The following SGK3 variants were observed in gnomAD, a reference collection of about 807,000 sequenced individuals.
SGK3 encodes serum/glucocorticoid regulated kinase family member 3.
In SGK3, 47 loss-of-function variants were observed where a neutral mutation model predicts 68.5. The ratio of observed to expected loss-of-function variants is 0.69; its 90% CI spans 0.54 to 0.87. The LOEUF (loss-of-function observed/expected upper bound fraction) is 0.87, where lower values mean the gene tolerates loss of function less well. Ranked by LOEUF, SGK3 falls within the 40% of genes least tolerant of loss-of-function variation. The probability of loss-of-function intolerance (pLI) is 0.00; values close to 1 mark genes in which losing one functional copy is unlikely to be tolerated. For synonymous variants in SGK3, 181 were observed against 189.1 expected (o/e 0.96, Z 0.35); for missense variants, 479 against 575.5 (o/e 0.83, Z 1.72).
chr8:66,786,925 CTTTTTTTTTTTTT>C (rs71249407), intron 1 of SGK3, among the ~76,000 whole-genome samples: 3 of 48,704 alleles, frequency 6.2e-5, no homozygotes, highest in South Asian at 1.1e-3. Context: ...TTTTCTCTGT[CTTTTTTTTTTTTT>C]TTTTTTTTTT....
intron 1 of SGK3, among the ~76,000 whole-genome samples, chr8:66,766,509 C>G (rs750598812): frequency 6.6e-6 from 1 of 152,042 alleles, no homozygotes; most frequent in South Asian, 2.1e-4. Flanking sequence ...GGCGACAGAG[C>G]AAGACTGTCT....
intron 6 of SGK3, among the ~76,000 whole-genome samples, chr8:66,823,837 A>G: frequency 6.6e-6 from 1 of 152,250 alleles, no homozygotes; most frequent in East Asian, 1.9e-4. Flanking sequence ...ATTATTATGT[A>G]GCAATTAAAT....
chr8:66,765,914 A>G (rs1339904704), intron 1 of SGK3, among the ~76,000 whole-genome samples: 3 of 151,626 alleles, frequency 2.0e-5, no homozygotes, highest in African/African-American at 7.3e-5. Flanking sequence ...AATCCCAGCT[A>G]CTCAGGAGGC....
chr8:66,818,171 A>T (rs1808670409), intron 5 of SGK3, among the ~76,000 whole-genome samples: 1 of 152,170 alleles, frequency 6.6e-6, no homozygotes, highest in African/African-American at 2.4e-5. Context: ...CCAAATCATA[A>T]GTAAGTAAAA....
intron 1 of SGK3, among the ~76,000 whole-genome samples, chr8:66,764,571 G>A (rs1327194928): frequency 6.6e-6 from 1 of 152,010 alleles, no homozygotes; most frequent in Non-Finnish European, 1.5e-5. Context: ...CCTGGGTTCA[G>A]GTGATCCTCC....
At chr8:66,828,567 G>T (rs1809161730) in intron 6 of SGK3, 87 bp from the exon 7 acceptor site, 1 of 1,577,426 alleles carries the variant, frequency 6.3e-7, no homozygotes, top group Non-Finnish European at 8.7e-7. Context: ...AATATTTGTG[G>T]TACAGTTATA....
chr8:66,853,215 C>T (rs1810363240), intron 16 of SGK3, among the ~76,000 whole-genome samples: 1 of 152,010 alleles, frequency 6.6e-6, no homozygotes, highest in Non-Finnish European at 1.5e-5. Context: ...ACAAGTAGAA[C>T]ATGGGCTCTG....
chr8:66,749,932 GGT>G (rs139702561), intron 1 of SGK3, among the ~76,000 whole-genome samples: 7,807 of 144,382 alleles, frequency 0.054, 260 homozygotes, highest in African/African-American at 0.097. Flanking sequence ...TAGTTTCTAG[GGT>G]GTGTGTGTGT....
At chr8:66,760,185 A>T (rs1479301159) in intron 1 of SGK3, among the ~76,000 whole-genome samples, 1 of 152,138 alleles carries the variant, frequency 6.6e-6, no homozygotes, top group African/African-American at 2.4e-5. Context: ...TTCTCAGTGG[A>T]GGAGAGCAGA....
intron 8 of SGK3, among the ~76,000 whole-genome samples, chr8:66,834,997 C>T (rs1408466374): frequency 6.6e-6 from 1 of 151,506 alleles, no homozygotes; most frequent in African/African-American, 2.4e-5. Flanking sequence ...AGGCTGGGTG[C>T]GGTGGCTTAC....
At chr8:66,850,509 A>C (rs998726022) in intron 15 of SGK3, among the ~76,000 whole-genome samples, 3 of 152,232 alleles carry the variant, frequency 2.0e-5, no homozygotes, top group Non-Finnish European at 4.4e-5. Flanking sequence ...ATAGCACTTT[A>C]CATCCATACT....
intron 1 of SGK3, among the ~76,000 whole-genome samples, chr8:66,779,559 TG>T (rs1806867686): frequency 1.1e-5 from 1 of 90,464 alleles, no homozygotes; most frequent in Non-Finnish European, 2.2e-5. Context: ...TGTATGTGTG[TG>T]AATATATATA....
At chr8:66,853,535 A>G (rs1585817962) in intron 16 of SGK3, among the ~76,000 whole-genome samples, 1 of 152,322 alleles carries the variant, frequency 6.6e-6, no homozygotes, top group African/African-American at 2.4e-5. Flanking sequence ...GCTAAGCTTC[A>G]GTATTTCTAT....
At chr8:66,816,342 T>C (rs1563642685) in intron 5 of SGK3, among the ~76,000 whole-genome samples, 1 of 145,798 alleles carries the variant, frequency 6.9e-6, no homozygotes, top group Non-Finnish European at 1.5e-5. Context: ...ATTTCCTTTT[T>C]TTTTTTTTTT....
Position 66,796,321 on chromosome 8 carries a change from ATTTTTTTT to A in SGK3, c.97-2197_97-2190del, listed in dbSNP as rs71249408. ...CCAGCTAATTTTTTGTATTTTTTGT[ATTTTTTTT>A]TTTTTTTTTTTTTTTTTTTTTTTAG... is the stretch of plus-strand genomic sequence containing the variant. On this transcript the variant is annotated intron_variant, in intron 2 of 16. Transcript: ENST00000521198. 9.4e-4 allele frequency among the ~76,000 whole-genome samples: 39 copies of A among 41,362 alleles called. 1 individual carries two copies. Among genetic ancestry groups the A allele is most frequent in the African/African-American group, 2.9e-3 (36 of 12,506 alleles). The allele number at this position is 41,362 out of a possible 152,430, so 27.1% of individuals were successfully genotyped here. A position where few individuals can be genotyped will look rare whatever the true frequency, so the allele number is the denominator to read the frequency against.
At chr8:66,761,171 T>C (rs1806153901) in intron 1 of SGK3, among the ~76,000 whole-genome samples, 1 of 152,164 alleles carries the variant, frequency 6.6e-6, no homozygotes, top group South Asian at 2.1e-4. Context: ...AGTAGTACCA[T>C]CATAGCTCAC....
chr8:66,797,896 A>T (rs1386975005), intron 2 of SGK3, among the ~76,000 whole-genome samples: 1 of 152,254 alleles, frequency 6.6e-6, no homozygotes, highest in African/African-American at 2.4e-5. Flanking sequence ...TAATGAGCAC[A>T]TGAGTGTTGA....
chr8:66,831,935 G>T (rs930639245), intron 8 of SGK3, among the ~76,000 whole-genome samples: 1 of 151,902 alleles, frequency 6.6e-6, no homozygotes, highest in Non-Finnish European at 1.5e-5. Flanking sequence ...CAATCTCGGT[G>T]GGGGGATAGT....
rs552807925 is a variant in SGK3, at chr8:66,783,879, T to C, written c.-121-9737T>C. ...CTAGGAATTTTATAGTTTTGTTTTTTGTTGTCGTTGTTTGTTTGTTTGTTT... is the reference window on the plus strand; with the variant it reads ...CTAGGAATTTTATAGTTTTGTTTTTCGTTGTCGTTGTTTGTTTGTTTGTTT... On this transcript the variant is annotated intron_variant, in intron 1 of 16. Transcript: ENST00000521198. 9.3e-4 allele frequency among the ~76,000 whole-genome samples: 141 copies of C among 152,210 alleles called. 1 individual carries two copies. The highest frequency in any genetic ancestry group is 3.3e-3 in the African/African-American group (139 of 41,544).
Sources: gnomAD v4.1 joint callset for allele counts (sites outside exome capture counted in the v4.1 genomes callset) on GRCh38, gnomAD v4.1.1 for gene constraint, MANE v1.5 for transcripts, NCBI Gene and HGNC (gene_info 2026-07-23, HGNC 2026-07-21) for gene names.